The following RAB4B variants were observed in gnomAD, a reference collection of about 807,000 sequenced individuals.
RAB4B encodes ras-related protein Rab-4B.
In RAB4B, 15 loss-of-function variants were observed where a neutral mutation model predicts 28.3. The ratio of observed to expected loss-of-function variants is 0.53; its 90% confidence interval spans 0.35 to 0.82. The LOEUF is 0.82. Ranked by LOEUF, RAB4B falls within the 40% of genes least tolerant of loss-of-function variation. The pLI, the probability that RAB4B is intolerant of heterozygous loss-of-function variation, is 0.01. For synonymous variants in RAB4B, 108 were observed against 116.3 expected (o/e 0.93, Z 0.46); for missense variants, 244 against 288.5 (o/e 0.85, Z 1.12).
intron 1 of RAB4B, 92 bp from the exon 2 acceptor site, chr19:40,779,927 G>A (rs1014217192): frequency 1.9e-6 from 3 of 1,604,032 alleles, no homozygotes; most frequent in African/African-American, 2.7e-5. Context: ...TAACTGTGAT[G>A]GTTAGAGAGA....
intron 3 of RAB4B, 95 bp downstream of exon 3, chr19:40,780,594 C>A: frequency 1.1e-6 from 1 of 950,202 alleles, no homozygotes; most frequent in Non-Finnish European, 1.6e-6. Context: ...ACTGAGAGGG[C>A]AGACAAGGCA....
intron 5 of RAB4B, chr19:40,786,299 CA>C: frequency 3.1e-6 from 1 of 323,364 alleles, no homozygotes; most frequent in Non-Finnish European, 6.0e-6. Context: ...GCAGAAGGGT[CA>C]GGGGTGGGAT....
intron 7 of RAB4B, among the ~76,000 whole-genome samples, chr19:40,794,058 A>G (rs2145066749): frequency 6.6e-6 from 1 of 151,358 alleles, no homozygotes; most frequent in Admixed American, 6.6e-5. Flanking sequence ...CAACCAATAT[A>G]ATATATCTTT....
chr19:40,790,546 A>AT (rs538525905), intron 7 of RAB4B, among the ~76,000 whole-genome samples: 2,892 of 139,500 alleles, frequency 0.021, 84 homozygotes, highest in African/African-American at 0.071. Context: ...AATTTTTTGT[A>AT]TTTTTTTTAG....
intron 7 of RAB4B, among the ~76,000 whole-genome samples, chr19:40,789,845 G>A (rs2083140725): frequency 6.6e-6 from 1 of 152,234 alleles, no homozygotes; most frequent in Admixed American, 6.5e-5. Flanking sequence ...TCGCTGAGAA[G>A]ATGACATTTG....
chr19:40,787,309 C>T (rs1035630494), intron 7 of RAB4B, among the ~76,000 whole-genome samples: 38 of 151,770 alleles, frequency 2.5e-4, no homozygotes, highest in Admixed American at 6.6e-4. Context: ...CCGAGGCGGG[C>T]GGATGACCTG....
At position 40,781,693 on chromosome 19, in the gene RAB4B, T is replaced by C. The variant is rs148188358; in HGVS notation, c.212+1194T>C. Reference sequence around the variant, plus strand: ...CAACACACTGTAGGTCTTCAGGAAATGCCTGCAGAGCAGAAAAGTTGATAG... The same window carrying C: ...CAACACACTGTAGGTCTTCAGGAAACGCCTGCAGAGCAGAAAAGTTGATAG... On this transcript the variant is annotated intron_variant, in intron 3 of 7. Transcript: ENST00000357052. Among the ~76,000 whole-genome samples, 760 of 152,040 alleles carry C rather than the reference T, an allele frequency of 5.0e-3. 4 individuals are homozygous for C. The highest frequency in any genetic ancestry group is 0.012 in the Admixed American group (176 of 15,266).
intron 7 of RAB4B, among the ~76,000 whole-genome samples, chr19:40,787,372 TA>T (rs2083110560): frequency 6.6e-6 from 1 of 151,832 alleles, no homozygotes; most frequent in African/African-American, 2.4e-5. Flanking sequence ...CCCTCTCTAC[TA>T]AACATACAAA....
chr19:40,784,961 T>C (rs375605727), intron 5 of RAB4B, among the ~76,000 whole-genome samples: 9 of 151,712 alleles, frequency 5.9e-5, no homozygotes, highest in East Asian at 3.9e-4. Context: ...ACTACAGGTG[T>C]GCGCCACAAC....
intron 1 of RAB4B, 66 bp from the exon 2 acceptor site, chr19:40,779,953 T>TC: frequency 2.5e-6 from 4 of 1,609,540 alleles, no homozygotes; most frequent in Non-Finnish European, 3.4e-6. Context: ...TGGATTGGAA[T>TC]CCATCTTTTT....
Position 40,786,859 on chromosome 19 carries a change from C to T in RAB4B, c.538C>T (p.Pro180Ser). 6.2e-7 allele frequency: 1 copy of T among 1,614,128 alleles called. No homozygotes were observed. The highest frequency in any genetic ancestry group is 1.1e-5 in the South Asian group (1 of 91,088). ...CCCCTTCCCCACAGGCGAGCTAGAC[C>T]CGGAGAGGATGGGCTCTGGCATTCA... ...LNKIDSGELD[P>S]ERMGSGIQYG... Residue 180 changes from proline to serine, a missense_variant, in exon 7 of 8, where the codon CCG (proline) becomes TCG (serine). Coordinates refer to ENST00000357052, the MANE Select transcript of RAB4B (RefSeq NM_016154.5).
At chr19:40,785,801 G>T (rs1405870603) in intron 5 of RAB4B, 2 of 153,218 alleles carry the variant, frequency 1.3e-5, no homozygotes, top group African/African-American at 4.8e-5. Flanking sequence ...CCTTCATGGA[G>T]CTCACAGTTC....
chr19:40,786,790 G>A (rs763177344), intron 6 of RAB4B, 30 bp downstream of exon 6: 12 of 1,613,944 alleles, frequency 7.4e-6, no homozygotes, highest in South Asian at 2.2e-5. Context: ...GAGTGGGAGC[G>A]AAGGGCAGGC....
intron 7 of RAB4B, among the ~76,000 whole-genome samples, chr19:40,790,599 T>A (rs2083148396): frequency 6.6e-6 from 1 of 151,106 alleles, no homozygotes; most frequent in South Asian, 2.1e-4. Flanking sequence ...GGTCTCGATC[T>A]CCTGACCTCG....
At chr19:40,790,273 G>A (rs2083144308) in intron 7 of RAB4B, among the ~76,000 whole-genome samples, 1 of 152,122 alleles carries the variant, frequency 6.6e-6, no homozygotes, top group South Asian at 2.1e-4. Context: ...ACAGGACAAG[G>A]GGGCGGGAAG....
In RAB4B at chr19:40,783,851, G is replaced by A. The variant is rs2287692; in HGVS notation, c.275+11G>A. The A allele has an allele frequency of 0.14, 220,005 of 1,569,146 alleles. 16,435 individuals carry two copies. Among genetic ancestry groups the A allele is most frequent in the South Asian group, 0.18 (15,598 of 85,896 alleles). Reference sequence around the variant, plus strand: ...GTACGACATCACCAGGTGGGTGCCCGGGGTGGGTGGGGTAGGGCATGGGTG... The same window carrying A: ...GTACGACATCACCAGGTGGGTGCCCAGGGTGGGTGGGGTAGGGCATGGGTG... On this transcript the variant is annotated intron_variant, in intron 4 of 7. Coordinates refer to ENST00000357052, the MANE Select transcript of RAB4B (RefSeq NM_016154.5).
intron 7 of RAB4B, among the ~76,000 whole-genome samples, chr19:40,788,416 C>T (rs1228780337): frequency 7.0e-6 from 1 of 143,776 alleles, no homozygotes; most frequent in Non-Finnish European, 1.5e-5. Flanking sequence ...TCCAGGTGTT[C>T]GAGGCTGCAG....
rs2083032498 is a variant in RAB4B, at chr19:40,780,073, T to G, written c.71T>G (p.Leu24Arg). Residue 24 changes from leucine to arginine, a missense_variant, in exon 2 of 8, where the codon CTC becomes CGC. By Grantham distance (102) the Leu-to-Arg change is moderately radical (BLOSUM62 -2). Transcript: ENST00000357052. ...IGSAGTGKSC[L>R]LHQFIENKFK... The stretch of plus-strand genomic sequence containing the variant: ...AGTGCAGGAACTGGCAAATCATGTC[T>G]CCTTCATCAGTTCATTGAGAATAAG... 1.9e-6 allele frequency: 3 copies of G among 1,611,970 alleles called. No individual in the cohort carries two copies. The Admixed American group carries it at 5.0e-5, about 27-fold the overall frequency.
intron 6 of RAB4B, 36 bp downstream of exon 6, chr19:40,786,796 C>G: frequency 3.1e-6 from 5 of 1,614,134 alleles, no homozygotes; most frequent in Non-Finnish European, 4.2e-6. Flanking sequence ...GAGCGAAGGG[C>G]AGGCCCGGGG....
Sources: gnomAD v4.1 joint callset for allele counts (sites outside exome capture counted in the v4.1 genomes callset) on GRCh38, gnomAD v4.1.1 for gene constraint, MANE v1.5 for transcripts, NCBI Gene and HGNC (gene_info 2026-07-23, HGNC 2026-07-21) for gene names.